The following DGKB variants were observed in gnomAD, a reference collection of about 807,000 sequenced individuals.
DGKB encodes 90 kDa diacylglycerol kinase.
DGKB carries 67 observed loss-of-function variants against 114.3 expected under a neutral mutation model. The ratio of observed to expected loss-of-function variants is 0.59; its 90% CI spans 0.48 to 0.72. The LOEUF (loss-of-function observed/expected upper bound fraction) is 0.72. Among genes scored for constraint, DGKB ranks in the 30% least tolerant of loss-of-function variants. The pLI is 0.00. For missense variants in DGKB, 907 were observed against 975.2 expected (o/e 0.93, Z 0.93); for synonymous variants, 398 against 323.1 (o/e 1.23, Z -2.49).
chr7:14,613,240 G>C lies in DGKB; in HGVS notation c.1358+100C>G, dbSNP rs917219723. Reference sequence around the variant, plus strand: ...CATCATTTATTTTGCATTAAAATTAGCAGAGAGGAATAATTGTTTTTAAGC... The same window carrying C: ...CATCATTTATTTTGCATTAAAATTACCAGAGAGGAATAATTGTTTTTAAGC... On this transcript the variant is annotated intron_variant, in intron 16 of 25. Coordinates refer to ENST00000402815, the MANE Select transcript of DGKB (RefSeq NM_001350709.2). The C allele has an allele frequency of 4.6e-6, 3 of 648,314 alleles. No homozygotes were observed. In the Admixed American group the frequency reaches 8.7e-5, roughly 19 times the overall value. 40.2% of individuals were successfully genotyped at this position (648,314 alleles called of 1,614,324 possible).
intron 13 of DGKB, among the ~76,000 whole-genome samples, chr7:14,647,937 G>A (rs1001498196): frequency 2.6e-5 from 4 of 152,170 alleles, no homozygotes; most frequent in East Asian, 1.9e-4. Flanking sequence ...CTTTTCTGAC[G>A]GGCTTAAAAA....
At chr7:14,547,715 AT>A (rs1306650687) in intron 20 of DGKB, among the ~76,000 whole-genome samples, 1 of 152,112 alleles carries the variant, frequency 6.6e-6, no homozygotes, top group Non-Finnish European at 1.5e-5. Context: ...GCTGTGATAC[AT>A]TTTGCAAGTT....
intron 23 of DGKB, among the ~76,000 whole-genome samples, chr7:14,240,496 C>G (rs924519077): frequency 1.3e-5 from 2 of 151,984 alleles, no homozygotes; most frequent in African/African-American, 4.8e-5. Flanking sequence ...CCTAAGAAAC[C>G]TTAGTTCATA....
chr7:14,645,416 G>A lies in DGKB; in HGVS notation c.1135-15148C>T, dbSNP rs192700156. Among the ~76,000 whole-genome samples, 301 of 151,984 alleles carry A rather than the reference G, an allele frequency of 2.0e-3. 3 individuals carry two copies. The highest frequency in any genetic ancestry group is 2.9e-3 in the South Asian group (14 of 4,812). ...GTGGTAATATTCTCTGCCGCTCGCC[G>A]AACAACAGGACAGAAAAACCCACTG... is the stretch of plus-strand genomic sequence containing the variant. On this transcript the variant is annotated intron_variant, in intron 13 of 25. Transcript: ENST00000402815.
At chr7:14,715,928 C>T (rs934368764) in intron 6 of DGKB, among the ~76,000 whole-genome samples, 5 of 152,006 alleles carry the variant, frequency 3.3e-5, no homozygotes, top group African/African-American at 9.7e-5. Flanking sequence ...TATTCTTTAA[C>T]GGAATAAGCT....
At chr7:14,638,818 G>C (rs1488836427) in intron 13 of DGKB, among the ~76,000 whole-genome samples, 1 of 152,030 alleles carries the variant, frequency 6.6e-6, no homozygotes, top group East Asian at 1.9e-4. Context: ...GAGGCAAGTG[G>C]ATCATCTGAG....
intron 21 of DGKB, among the ~76,000 whole-genome samples, chr7:14,404,467 A>G (rs1823625280): frequency 6.6e-6 from 1 of 152,036 alleles, no homozygotes; most frequent in East Asian, 1.9e-4. Flanking sequence ...AATTAGATGC[A>G]CACTCAACTG....
chr7:14,252,896 G>A (rs1795445328), intron 23 of DGKB, among the ~76,000 whole-genome samples: 1 of 152,140 alleles, frequency 6.6e-6, no homozygotes. Flanking sequence ...AGTGTTGCGT[G>A]TAAGGGGAAA....
intron 23 of DGKB, among the ~76,000 whole-genome samples, chr7:14,195,406 G>A (rs1011473356): frequency 6.6e-6 from 1 of 152,132 alleles, no homozygotes; most frequent in Non-Finnish European, 1.5e-5. Flanking sequence ...CAGCTAAGGG[G>A]ATGAAGTCAC....
At chr7:14,697,843 G>A (rs1171343582) in intron 8 of DGKB, among the ~76,000 whole-genome samples, 1 of 142,474 alleles carries the variant, frequency 7.0e-6, no homozygotes, top group African/African-American at 2.6e-5. Flanking sequence ...AAGGAAGGAA[G>A]GGAGAGAGAG....
chr7:14,753,902 C>T (rs1316800412), intron 4 of DGKB, 26 bp downstream of exon 4: 3 of 1,409,558 alleles, frequency 2.1e-6, no homozygotes, highest in African/African-American at 2.9e-5. Flanking sequence ...AAAAGACAGA[C>T]TTTAATAGAA....
intron 8 of DGKB, among the ~76,000 whole-genome samples, chr7:14,697,252 G>A (rs1244317396): frequency 3.9e-5 from 6 of 152,100 alleles, no homozygotes; most frequent in African/African-American, 1.2e-4. Context: ...CTGACTAGCT[G>A]AAGAGCTTTG....
chr7:14,429,778 G>A (rs758386150), intron 21 of DGKB, among the ~76,000 whole-genome samples: 8 of 152,004 alleles, frequency 5.3e-5, no homozygotes, highest in Non-Finnish European at 1.0e-4. Context: ...AAAATTAGCT[G>A]GGCATGGTGG....
Position 14,658,750 on chromosome 7 carries a change from A to G in DGKB, c.1134+14179T>C, listed in dbSNP as rs141126696. On this transcript the variant is annotated intron_variant, in intron 13 of 25. Coordinates refer to ENST00000402815, the MANE Select transcript of DGKB (RefSeq NM_001350709.2). ...TTTTATATTTATAATTTTAATAAAT[A>G]TGATTTAAAAATTACGTTTATAAAA... Among the ~76,000 whole-genome samples the G allele has an allele frequency of 5.9e-3, 903 of 151,924 alleles. 8 individuals carry two copies. Among genetic ancestry groups the G allele is most frequent in the African/African-American group, 0.021 (858 of 41,494 alleles).
At chr7:14,310,931 C>G (rs531854531) in intron 23 of DGKB, among the ~76,000 whole-genome samples, 21 of 152,180 alleles carry the variant, frequency 1.4e-4, no homozygotes, top group African/African-American at 4.8e-4. Flanking sequence ...GAGTTTGAGA[C>G]TAGCCTGGGG....
At chr7:14,254,824 A>AT (rs1175735894) in intron 23 of DGKB, among the ~76,000 whole-genome samples, 2 of 152,044 alleles carry the variant, frequency 1.3e-5, no homozygotes, top group South Asian at 2.1e-4. Context: ...CCCATCTGAG[A>AT]TTTTTCCTCT....
chr7:14,777,765 A>T (rs1340043384), intron 2 of DGKB, among the ~76,000 whole-genome samples: 1 of 152,192 alleles, frequency 6.6e-6, no homozygotes, highest in African/African-American at 2.4e-5. Flanking sequence ...AACATATTTC[A>T]TCTGAACCTT....
chr7:14,207,351 A>G (rs1787003516), intron 23 of DGKB, among the ~76,000 whole-genome samples: 1 of 152,080 alleles, frequency 6.6e-6, no homozygotes, highest in South Asian at 2.1e-4. Context: ...GATGTTTGGA[A>G]TGCAGTGGCT....
intron 2 of DGKB, chr7:14,813,986 G>A (rs986489396): frequency 6.6e-6 from 1 of 151,916 alleles, no homozygotes; most frequent in South Asian, 2.1e-4. Context: ...TTCAATTTTA[G>A]TAATTGCTAT....
Sources: allele counts gnomAD v4.1 joint callset (sites outside exome capture counted in the v4.1 genomes callset), GRCh38; gene constraint gnomAD v4.1.1; transcripts MANE v1.5; gene names NCBI Gene and HGNC (gene_info 2026-07-23, HGNC 2026-07-21).